UNC80: variants seen among roughly 807,000 people sequenced by gnomAD.
UNC80 encodes the protein unc-80 subunit of NALCN channel complex.
In UNC80, 164 loss-of-function variants were observed where a neutral mutation model predicts 384.6. The ratio of observed to expected loss-of-function variants is 0.43; its 90% CI spans 0.38 to 0.49. The LOEUF is 0.49. Ranked by LOEUF, UNC80 falls within the 20% of genes least tolerant of loss-of-function variation. The pLI, the probability that UNC80 is intolerant of heterozygous loss-of-function variation, is 0.00. For synonymous variants in UNC80, 1,486 were observed against 1,527.8 expected, an observed-to-expected ratio of 0.97 and a Z score of 0.64; for missense variants, 3,330 against 4,143.0, an observed-to-expected ratio of 0.80 and a Z score of 5.39.
chr2:209,981,701 C>T (rs1055620668), intron 59 of UNC80, among the ~76,000 whole-genome samples: 3 of 152,210 alleles, frequency 2.0e-5, no homozygotes, highest in Non-Finnish European at 2.9e-5. Flanking sequence ...AACTTTATAG[C>T]TTTCAAATAT....
intron 22 of UNC80, among the ~76,000 whole-genome samples, chr2:209,858,657 G>A (rs568520127): frequency 2.7e-5 from 4 of 147,064 alleles, no homozygotes; most frequent in Non-Finnish European, 5.9e-5. Flanking sequence ...TCACACAACC[G>A]CACCCTGGTC....
At chr2:209,835,040 A>ATAGCCGTCTGCACTG in intron 18 of UNC80, 30 bp downstream of exon 18, 3 of 1,487,090 alleles carry the variant, frequency 2.0e-6, no homozygotes, top group Non-Finnish European at 2.8e-6. Context: ...TCTCCAGTGC[A>ATAGCCGTCTGCACTG]GACGGCTATG....
At position 209,978,622 on chromosome 2, in the gene UNC80, C is replaced by G; in HGVS notation, c.9032C>G (p.Thr3011Arg). Residue 3011 changes from threonine (T) to arginine (R), a missense_variant, in exon 59 of 65, where the codon ACG becomes AGG. Physicochemically the swap from Thr to Arg is moderately conservative, Grantham distance 71. Around this residue, in one of 8 missense-constraint regions of UNC80, gnomAD observed 216 missense variants for 245.3 expected, o/e 0.88. Transcript: ENST00000673920. ...LATMSRSNTG[T>R]GTVWEQDSEP... ...ACCATGTCCCGCTCTAACACGGGCA[C>G]GGGCACTGTCTGGGAGCAGGACAGT... 6.4e-7 allele frequency: 1 copy of G among 1,551,550 alleles called. No individual in the cohort carries two copies. Among genetic ancestry groups the G allele is most frequent in the African/African-American group, 1.4e-5 (1 of 73,180 alleles).
chr2:209,887,910 G>T (rs766964273), intron 25 of UNC80, among the ~76,000 whole-genome samples, 185 bp from the exon 26 acceptor site: 10 of 152,178 alleles, frequency 6.6e-5, no homozygotes, highest in East Asian at 1.9e-4. Flanking sequence ...AATTAGGAAA[G>T]ATTTTATTTA....
At chr2:209,894,052 C>T (rs2086592848) in intron 26 of UNC80, 111 bp from the exon 27 acceptor site, 2 of 699,420 alleles carry the variant, frequency 2.9e-6, no homozygotes, top group Non-Finnish European at 3.5e-6. Flanking sequence ...CCAGAGTGCT[C>T]ATCCAGGCCA....
chr2:209,865,416 C>A (rs946521636), intron 22 of UNC80, among the ~76,000 whole-genome samples: 10 of 152,070 alleles, frequency 6.6e-5, no homozygotes, highest in Admixed American at 2.6e-4. Context: ...TCCTGGCTAA[C>A]ACGGTGAAAC....
At chr2:209,866,486 A>ACCCCCCCC (rs67328888) in intron 22 of UNC80, among the ~76,000 whole-genome samples, 1 of 111,810 alleles carries the variant, frequency 8.9e-6, no homozygotes, top group African/African-American at 3.9e-5. Flanking sequence ...TACAAAATGC[A>ACCCCCCCC]CCCCCACACA....
intron 29 of UNC80, among the ~76,000 whole-genome samples, chr2:209,907,978 C>T (rs929972335): frequency 6.6e-6 from 1 of 152,216 alleles, no homozygotes; most frequent in Non-Finnish European, 1.5e-5. Context: ...ATAAGTGCTT[C>T]TAACTTTAAC....
chr2:209,815,431 TAAA>T lies in UNC80; in HGVS notation c.1335+44_1335+46del, dbSNP rs763419159. ...TTATGCTCTTTGATATTTTGGTAAA[TAAA>T]AAATGTCAGTGGGACATGAGATGTT... On this transcript the variant is annotated intron_variant, in intron 9 of 64. Coordinates refer to ENST00000673920, the MANE Select transcript of UNC80 (RefSeq NM_001371986.1). 7 of 1,535,056 alleles carry T rather than the reference TAAA, an allele frequency of 4.6e-6. No homozygotes were observed. In the South Asian group the frequency reaches 8.4e-5, roughly 19 times the overall value.
At chr2:209,932,546 T>G (rs532989877) in intron 38 of UNC80, among the ~76,000 whole-genome samples, 1 of 152,344 alleles carries the variant, frequency 6.6e-6, no homozygotes, top group East Asian at 1.9e-4. Flanking sequence ...GGAGAAATGC[T>G]TGCCCAGACC....
chr2:209,909,747 T>G (rs1165679870), intron 29 of UNC80, among the ~76,000 whole-genome samples: 1 of 151,938 alleles, frequency 6.6e-6, no homozygotes, highest in Non-Finnish European at 1.5e-5. Flanking sequence ...AGTCACAGAG[T>G]CAACTAGGAT....
At position 209,999,232 on chromosome 2, in the gene UNC80, GA is replaced by G. The variant is rs1225318464; in HGVS notation, c.*3640del. On this transcript the variant is annotated 3_prime_UTR_variant, in exon 65 of 65. Transcript: ENST00000673920. ...TGAAATGTTTATGAAAGATATTTAT[GA>G]AAGATATTAAGACTTCTGTGTTTAG... The G allele has an allele frequency of 2.2e-4, 34 of 152,196 alleles. No homozygotes were observed. The highest frequency in any genetic ancestry group is 3.5e-4 in the Non-Finnish European group (24 of 68,028). The allele number at this position is 152,196 out of a possible 1,614,324, so 9.4% of individuals were successfully genotyped here.
chr2:209,881,189 T>C (rs1055896056), intron 25 of UNC80, 95 bp downstream of exon 25: 2 of 1,372,416 alleles, frequency 1.5e-6, no homozygotes, highest in African/African-American at 2.9e-5. Flanking sequence ...AAATGTTCCA[T>C]GGCTAGTGTA....
At chr2:209,844,351 ATTTC>A (rs1288211235) in intron 21 of UNC80, among the ~76,000 whole-genome samples, 1 of 151,836 alleles carries the variant, frequency 6.6e-6, no homozygotes, top group African/African-American at 2.4e-5. Flanking sequence ...TTTGGTGAAT[ATTTC>A]TTCTTTTTTC....
intron 45 of UNC80, 77 bp downstream of exon 45, chr2:209,943,591 A>G (rs1235495740): frequency 2.7e-5 from 40 of 1,502,870 alleles, no homozygotes; most frequent in African/African-American, 8.4e-5. Context: ...AGAGCTTACT[A>G]TGGCAAGGGA....
chr2:209,945,974 G>C, intron 47 of UNC80, 31 bp downstream of exon 47: 4 of 1,420,126 alleles, frequency 2.8e-6, no homozygotes, highest in Non-Finnish European at 2.9e-6. Flanking sequence ...TGTGCCTTGT[G>C]ATAAGTAAAT....
chr2:209,938,676 GTCTCTC>G lies in UNC80; in HGVS notation c.6466-766_6466-761del, dbSNP rs10555565. Among the ~76,000 whole-genome samples, 1,331 of 137,396 alleles carry G rather than the reference GTCTCTC, an allele frequency of 9.7e-3. 6 individuals carry two copies. The highest frequency in any genetic ancestry group is 0.019 in the Middle Eastern group (5 of 268). 90.1% of individuals were successfully genotyped at this position (137,396 alleles called of 152,430 possible). ...CAATAATGGTGCTTGCCTAGTCTCT[GTCTCTC>G]TCTCTCTCTCTCTCTCTCTCTCTCT... On this transcript the variant is annotated intron_variant, in intron 42 of 64. Transcript: ENST00000673920.
At chr2:209,921,975 T>C (rs2090070262) in intron 34 of UNC80, among the ~76,000 whole-genome samples, 1 of 152,222 alleles carries the variant, frequency 6.6e-6, no homozygotes, top group South Asian at 2.1e-4. Context: ...CTTTCAACCT[T>C]CACAAGTGCA....
At chr2:209,774,881 A>C (rs1004066867) in intron 2 of UNC80, among the ~76,000 whole-genome samples, 1 of 152,142 alleles carries the variant, frequency 6.6e-6, no homozygotes, top group African/African-American at 2.4e-5. Context: ...AAAAGTAAAA[A>C]GTTTTCTTTG....
Sources: gnomAD v4.1 joint callset for allele counts (sites outside exome capture counted in the v4.1 genomes callset) on GRCh38, gnomAD v4.1.1 for gene constraint, gnomAD v4.1.1 regional missense constraint, MANE v1.5 for transcripts, NCBI Gene and HGNC (gene_info 2026-07-23, HGNC 2026-07-21) for gene names.